Variants in LRP1B observed in about 807,000 individuals in gnomAD.
LRP1B encodes the protein LDL receptor related protein 1B.
In LRP1B, 217 loss-of-function variants were observed where a neutral mutation model predicts 556.6. That is an observed-to-expected ratio of 0.39 (90% confidence interval 0.35 to 0.44). The LOEUF (loss-of-function observed/expected upper bound fraction) is 0.44, where lower values mean the gene tolerates loss of function less well. LRP1B is among the 20% of genes least tolerant of loss of function. LRP1B has a pLI of 1.00. For missense variants in LRP1B, 5,053 were observed against 5,620.8 expected (o/e 0.90, Z 3.23); for synonymous variants, 2,047 against 1,865.8 (o/e 1.10, Z -2.50).
intron 66 of LRP1B, among the ~76,000 whole-genome samples, chr2:140,442,209 A>C (rs551660369): frequency 6.6e-6 from 1 of 152,290 alleles, no homozygotes; most frequent in East Asian, 1.9e-4. Flanking sequence ...CTAAATGTTA[A>C]TGCCATCATG....
chr2:141,749,250 C>T (rs1694021827), intron 2 of LRP1B, among the ~76,000 whole-genome samples: 1 of 152,034 alleles, frequency 6.6e-6, no homozygotes, highest in Non-Finnish European at 1.5e-5. Context: ...ACCTTGTAAA[C>T]TTTTAATATT....
At chr2:140,623,423 A>C (rs1030868108) in intron 41 of LRP1B, among the ~76,000 whole-genome samples, 1 of 152,172 alleles carries the variant, frequency 6.6e-6, no homozygotes, top group African/African-American at 2.4e-5. Context: ...CTTATCTAGT[A>C]CACCAGATAA....
chr2:140,740,556 G>C (rs1253959270), intron 35 of LRP1B, among the ~76,000 whole-genome samples: 1 of 152,158 alleles, frequency 6.6e-6, no homozygotes, highest in African/African-American at 2.4e-5. Context: ...ATAGGGTGCA[G>C]TGTATACTGC....
chr2:141,738,522 C>T (rs1303072033), intron 2 of LRP1B, among the ~76,000 whole-genome samples: 3 of 151,954 alleles, frequency 2.0e-5, no homozygotes, highest in African/African-American at 7.2e-5. Context: ...ACATTGGCCC[C>T]GTGATATACA....
chr2:141,458,563 A>AT (rs1401710557), intron 3 of LRP1B, among the ~76,000 whole-genome samples: 1 of 151,982 alleles, frequency 6.6e-6, no homozygotes, highest in Admixed American at 6.6e-5. Context: ...AATATGATTT[A>AT]TTTTTTTTAG....
At chr2:140,666,887 A>G (rs1289897408) in intron 41 of LRP1B, among the ~76,000 whole-genome samples, 1 of 152,224 alleles carries the variant, frequency 6.6e-6, no homozygotes, top group East Asian at 1.9e-4. Context: ...TGAAGTCTCA[A>G]ATAAAGCTAG....
chr2:140,857,168 C>T (rs896521013), intron 27 of LRP1B, among the ~76,000 whole-genome samples: 1 of 152,058 alleles, frequency 6.6e-6, no homozygotes, highest in East Asian at 1.9e-4. Flanking sequence ...AAATAAAATA[C>T]ACATAAATGT....
At chr2:140,864,190 C>T (rs1020151574) in intron 27 of LRP1B, among the ~76,000 whole-genome samples, 5 of 151,704 alleles carry the variant, frequency 3.3e-5, no homozygotes, top group Non-Finnish European at 5.9e-5. Flanking sequence ...TTATAATTAT[C>T]GATATTGTTA....
chr2:140,750,190 C>G (rs1559095797), intron 35 of LRP1B, among the ~76,000 whole-genome samples: 1 of 152,028 alleles, frequency 6.6e-6, no homozygotes, highest in Non-Finnish European at 1.5e-5. Flanking sequence ...ATCCTTGACC[C>G]TAATGCCTCA....
intron 1 of LRP1B, among the ~76,000 whole-genome samples, chr2:141,868,599 G>A (rs1428244669): frequency 2.0e-5 from 3 of 152,130 alleles, no homozygotes; most frequent in Non-Finnish European, 4.4e-5. Context: ...TAGTAGTTGG[G>A]GGAAAGTGCT....
intron 43 of LRP1B, among the ~76,000 whole-genome samples, chr2:140,553,875 A>G (rs1478855843): frequency 6.6e-6 from 1 of 152,036 alleles, no homozygotes; most frequent in Non-Finnish European, 1.5e-5. Flanking sequence ...TCCTTCAGAG[A>G]GGGATTTTAA....
At position 141,015,888 on chromosome 2, in the gene LRP1B, T is replaced by C. The variant is rs2105389718; in HGVS notation, c.1998A>G (p.Glu666=). The part of the protein sequence containing the change: ...NGWMYWTDWE[E]DEIDDSVGRI... ...TTCCCACGCTGTCATCTATTTCATC[T>C]TCCTCCCAGTCTGTCCAATACATCC... The change falls in exon 13 of 91, where the codon GAA becomes GAG. Residue 666 remains glutamate, a synonymous_variant. Coordinates refer to ENST00000389484, the MANE Select transcript of LRP1B (RefSeq NM_018557.3). 6.2e-7 allele frequency: 1 copy of C among 1,613,502 alleles called. No individual in the cohort carries two copies. The highest frequency in any genetic ancestry group is 8.5e-7 in the Non-Finnish European group (1 of 1,179,672).
chr2:140,815,988 T>A (rs1028834881), intron 31 of LRP1B, among the ~76,000 whole-genome samples: 3 of 152,014 alleles, frequency 2.0e-5, no homozygotes, highest in Non-Finnish European at 2.9e-5. Context: ...TCTAGCATGA[T>A]GACTAGAATT....
intron 41 of LRP1B, among the ~76,000 whole-genome samples, chr2:140,662,415 G>C (rs1019275219): frequency 2.0e-5 from 3 of 152,018 alleles, no homozygotes; most frequent in Non-Finnish European, 4.4e-5. Flanking sequence ...GGATGGAAGA[G>C]GGTAATAATA....
intron 18 of LRP1B, among the ~76,000 whole-genome samples, chr2:140,955,606 T>G (rs1193137550): frequency 2.6e-5 from 4 of 151,796 alleles, no homozygotes; most frequent in Non-Finnish European, 4.4e-5. Flanking sequence ...TTAATATGGA[T>G]TAATGGACTG....
chr2:141,218,964 T>C (rs1682928158), intron 6 of LRP1B, among the ~76,000 whole-genome samples: 1 of 152,146 alleles, frequency 6.6e-6, no homozygotes, highest in African/African-American at 2.4e-5. Flanking sequence ...GGTGGTGCAA[T>C]GACCAAGGTG....
At chr2:140,974,530 A>G (rs1213174565) in intron 18 of LRP1B, among the ~76,000 whole-genome samples, 1 of 152,218 alleles carries the variant, frequency 6.6e-6, no homozygotes, top group Non-Finnish European at 1.5e-5. Flanking sequence ...CTAAATGTTC[A>G]TATATTGAAT....
intron 2 of LRP1B, among the ~76,000 whole-genome samples, chr2:141,695,258 T>G (rs1230323830): frequency 6.6e-6 from 1 of 152,002 alleles, no homozygotes; most frequent in South Asian, 2.1e-4. Context: ...CAATTTGACA[T>G]ATTCTGATGC....
chr2:140,525,721 C>T (rs932240435), intron 49 of LRP1B, 123 bp downstream of exon 49: 9 of 802,424 alleles, frequency 1.1e-5, no homozygotes, highest in East Asian at 2.7e-5. Context: ...TCAGTCTGTG[C>T]CATTTAAATT....
Sources: gnomAD v4.1 joint callset for allele counts (sites outside exome capture counted in the v4.1 genomes callset) on GRCh38, gnomAD v4.1.1 for gene constraint, MANE v1.5 for transcripts, NCBI Gene and HGNC (gene_info 2026-07-23, HGNC 2026-07-21) for gene names.